IARS1: variants seen among roughly 807,000 people sequenced by gnomAD.
IARS1 encodes isoleucine--tRNA ligase, cytoplasmic.
Under a neutral mutation model 168.2 loss-of-function variants are expected in IARS1, and 124 were observed. That is an observed-to-expected ratio of 0.74 (90% CI 0.64 to 0.86). The LOEUF (loss-of-function observed/expected upper bound fraction) is 0.86, where lower values mean the gene tolerates loss of function less well. IARS1 is among the 40% of genes least tolerant of loss of function. The probability of loss-of-function intolerance (pLI) is 0.00; values close to 1 mark genes in which losing one functional copy is unlikely to be tolerated. For missense variants in IARS1, 1,452 were observed against 1,515.8 expected (o/e 0.96, Z 0.70); for synonymous variants, 532 against 529.4 (o/e 1.00, Z -0.07).
chr9:92,272,859 CA>C (rs71362376), intron 10 of IARS1, among the ~76,000 whole-genome samples: 19 of 33,834 alleles, frequency 5.6e-4, no homozygotes, highest in East Asian at 1.9e-3. Context: ...TCAAACAAAA[CA>C]AAACAAAAAA....
At chr9:92,236,369 T>C (rs1359162487) in intron 30 of IARS1, among the ~76,000 whole-genome samples, 2 of 146,148 alleles carry the variant, frequency 1.4e-5, no homozygotes, top group Non-Finnish European at 3.0e-5. Context: ...CTTCCTCTTC[T>C]ATTTTCTGGA....
At chr9:92,248,071 A>T (rs1829481456) in intron 25 of IARS1, among the ~76,000 whole-genome samples, 1 of 152,268 alleles carries the variant, frequency 6.6e-6, no homozygotes, top group Admixed American at 6.5e-5. Flanking sequence ...AGATCTATCA[A>T]GACAGTTGAG....
At chr9:92,211,033 C>A in intron 33 of IARS1, 144 bp from the exon 34 acceptor site, 1 of 605,460 alleles carries the variant, frequency 1.7e-6, no homozygotes, top group Admixed American at 2.8e-5. Flanking sequence ...CTGAGGTGAA[C>A]CTCTAAATCC....
At chr9:92,225,448 A>T (rs1825521116) in intron 31 of IARS1, among the ~76,000 whole-genome samples, 1 of 152,196 alleles carries the variant, frequency 6.6e-6, no homozygotes, top group African/African-American at 2.4e-5. Context: ...ACAGCAAAAG[A>T]GGGATGTATG....
chr9:92,261,579 A>G (rs183942195), intron 17 of IARS1, among the ~76,000 whole-genome samples: 1 of 152,362 alleles, frequency 6.6e-6, no homozygotes, highest in East Asian at 1.9e-4. Flanking sequence ...AAATAAGTAT[A>G]TGTAAAACTA....
rs762829302 is a variant in IARS1 at position 92,277,669 on chromosome 9, G to GT, written c.894+193dup. On this transcript the variant is annotated intron_variant, in intron 9 of 33. Transcript: ENST00000443024. ...CAGCCTGGGGGACAGAGGAAACCCTGTTTTTAAAAAAAAAAAAAAAAATCC... is the reference window on the plus strand; with the variant it reads ...CAGCCTGGGGGACAGAGGAAACCCTGTTTTTTAAAAAAAAAAAAAAAAATCC... Among the ~76,000 whole-genome samples the GT allele has an allele frequency of 3.9e-4, 41 of 105,694 alleles. No individual in the cohort carries two copies. In the East Asian group the frequency reaches 6.1e-3, roughly 16 times the overall value. 69.3% of individuals were successfully genotyped at this position (105,694 alleles called of 152,430 possible). A position where few individuals can be genotyped will look rare whatever the true frequency, so the allele number is the denominator to read the frequency against.
intron 10 of IARS1, among the ~76,000 whole-genome samples, chr9:92,272,953 C>T (rs577820159): frequency 1.3e-5 from 2 of 150,570 alleles, no homozygotes; most frequent in South Asian, 4.2e-4. Context: ...ACATGCACAG[C>T]ATTGAGAATA....
intron 31 of IARS1, among the ~76,000 whole-genome samples, chr9:92,224,517 A>G (rs1825332122): frequency 6.6e-6 from 1 of 152,228 alleles, no homozygotes. Flanking sequence ...AGATCTCTAC[A>G]AATGGGCAGA....
At chr9:92,291,051 G>C (rs529315306) in intron 1 of IARS1, among the ~76,000 whole-genome samples, 1 of 151,932 alleles carries the variant, frequency 6.6e-6, no homozygotes, top group Admixed American at 6.6e-5. Context: ...AATGAGAGAA[G>C]TCTTAAAGTG....
intron 33 of IARS1, among the ~76,000 whole-genome samples, chr9:92,215,428 C>T (rs1838499715): frequency 6.6e-6 from 1 of 152,220 alleles, no homozygotes; most frequent in Non-Finnish European, 1.5e-5. Flanking sequence ...TGGAGAATGA[C>T]TTTGACGAGC....
At chr9:92,282,972 A>T (rs1416512148) in intron 6 of IARS1, among the ~76,000 whole-genome samples, 1 of 151,072 alleles carries the variant, frequency 6.6e-6, no homozygotes, top group Non-Finnish European at 1.5e-5. Context: ...CTCTTACTTC[A>T]GCCTGTGGAG....
intron 24 of IARS1, 54 bp from the exon 25 acceptor site, chr9:92,249,995 C>T: frequency 9.6e-7 from 1 of 1,041,666 alleles, no homozygotes; most frequent in Non-Finnish European, 1.5e-6. Flanking sequence ...TCTAAAACTG[C>T]AGAAAAATGG....
chr9:92,253,230 G>T, intron 21 of IARS1, 132 bp downstream of exon 21: 1 of 670,540 alleles, frequency 1.5e-6, no homozygotes, highest in Non-Finnish European at 2.6e-6. Context: ...CAATGTAAAA[G>T]GAAAAGAAAA....
At position 92,265,501 on chromosome 9, in the gene IARS1, A is replaced by G. The variant is rs560053243; in HGVS notation, c.1484T>C (p.Ile495Thr). The G allele has an allele frequency of 1.9e-6, 3 of 1,613,340 alleles. No individual in the cohort carries two copies. Among genetic ancestry groups the G allele is most frequent in the Middle Eastern group, 3.3e-4 (2 of 6,062 alleles). The change falls in exon 15 of 34, where the codon ATC (isoleucine) becomes ACC (threonine). Residue 495 changes from isoleucine to threonine, a missense_variant. Ile to Thr is a moderately conservative substitution (Grantham distance 89). Coordinates refer to ENST00000443024, the MANE Select transcript of IARS1 (RefSeq NM_002161.6). ...TGACCTCTCTCTGTGGAGATCTGAG[A>G]TCTTTGCTCCTGACAGTTCTTCAAG... ...AELEELSGAK[I>T]SDLHRESVDH... is the part of the protein sequence containing the mutation.
In IARS1 at chr9:92,253,342, C is replaced by G; in HGVS notation, c.2229+20G>C. On this transcript the variant is annotated intron_variant, in intron 21 of 33. Coordinates refer to ENST00000443024, the MANE Select transcript of IARS1 (RefSeq NM_002161.6). ...AACTTCATACACTTTTTGCTTTTCC[C>G]AACAGCAGTCTGCACTTACCTTTAA... 2.0e-6 allele frequency: 3 copies of G among 1,537,478 alleles called. No homozygotes were observed. The highest frequency in any genetic ancestry group is 2.7e-6 in the Non-Finnish European group (3 of 1,111,784).
At position 92,272,223 on chromosome 9, in the gene IARS1, C is replaced by T. The variant is rs188292630; in HGVS notation, c.991-568G>A. 2.2e-4 allele frequency among the ~76,000 whole-genome samples: 33 copies of T among 152,300 alleles called. No homozygotes were observed. The East Asian group carries it at 5.6e-3, about 26-fold the overall frequency. On this transcript the variant is annotated intron_variant, in intron 10 of 33. Transcript: ENST00000443024. ...CCTAAATATAAAATTAAAGAGATTG[C>T]CTTATGTTGGTGAAACCACACTCTG...
Position 92,222,501 on chromosome 9 carries a change from C to A in IARS1, c.3706+19G>T. ...ACTTTCAACAAAAATAAAAAACTTA[C>A]GGTCCACAATCTCCTTACCCTGCGT... On this transcript the variant is annotated intron_variant, in intron 33 of 33. Coordinates refer to ENST00000443024, the MANE Select transcript of IARS1 (RefSeq NM_002161.6). 1 of 1,603,312 alleles carries A rather than the reference C, an allele frequency of 6.2e-7. No homozygotes were observed. The highest frequency in any genetic ancestry group is 2.2e-5 in the East Asian group (1 of 44,692).
chr9:92,262,309 G>A (rs939470614), intron 17 of IARS1, among the ~76,000 whole-genome samples: 4 of 152,086 alleles, frequency 2.6e-5, no homozygotes, highest in African/African-American at 9.7e-5. Context: ...CAAAATGTTA[G>A]GTGACATCCT....
chr9:92,271,225 C>T, intron 11 of IARS1, 149 bp from the exon 12 acceptor site: 1 of 608,080 alleles, frequency 1.6e-6, no homozygotes, highest in Non-Finnish European at 2.7e-6. Context: ...AAGTAATTTT[C>T]AAGTACATTC....
Sources: allele counts gnomAD v4.1 joint callset (sites outside exome capture counted in the v4.1 genomes callset), GRCh38; gene constraint gnomAD v4.1.1; transcripts MANE v1.5; gene names NCBI Gene and HGNC (gene_info 2026-07-23, HGNC 2026-07-21).